The following ZFYVE21 variants were observed in gnomAD, a reference collection of about 807,000 sequenced individuals.
ZFYVE21 encodes zinc finger FYVE-type containing 21.
ZFYVE21 carries 21 observed loss-of-function variants against 29.5 expected under a neutral mutation model. The ratio of observed to expected loss-of-function variants is 0.71; its 90% CI spans 0.50 to 1.02. The LOEUF is 1.02. Ranked by LOEUF, ZFYVE21 falls within the 50% of genes least tolerant of loss-of-function variation. The probability of loss-of-function intolerance (pLI) is 0.00; values close to 1 mark genes in which losing one functional copy is unlikely to be tolerated. For synonymous variants in ZFYVE21, 151 were observed against 133.8 expected (o/e 1.13, Z -0.89); for missense variants, 326 against 335.4 (o/e 0.97, Z 0.22).
At chr14:103,723,092 G>A (rs1431921158) in intron 1 of ZFYVE21, among the ~76,000 whole-genome samples, 1 of 152,152 alleles carries the variant, frequency 6.6e-6, no homozygotes, top group East Asian at 1.9e-4. Flanking sequence ...GTGGGCCAGG[G>A]TCACCATGGA....
chr14:103,716,275 C>T lies in ZFYVE21; in HGVS notation c.138+296C>T, dbSNP rs899625896. On this transcript the variant is annotated intron_variant, in intron 1 of 6. Coordinates refer to ENST00000311141, the MANE Select transcript of ZFYVE21 (RefSeq NM_024071.4). This position sits in a 1 kb window ranked among gnomAD's most constrained non-coding sequence, Gnocchi z 4.8. ...CGGGGTGCGGGGCGCGGGCTGGTCC[C>T]GGGGGTGGGTGCGGCCCTGCCCGAG... is the stretch of plus-strand genomic sequence containing the variant. Among the ~76,000 whole-genome samples the T allele has an allele frequency of 6.6e-6, 1 of 152,066 alleles. No individual in the cohort carries two copies. Among genetic ancestry groups the T allele is most frequent in the Non-Finnish European group, 1.5e-5 (1 of 67,970 alleles).
At chr14:103,718,839 T>C (rs538353977) in intron 1 of ZFYVE21, among the ~76,000 whole-genome samples, 1 of 152,240 alleles carries the variant, frequency 6.6e-6, no homozygotes, top group East Asian at 1.9e-4. Context: ...ATGGATACTC[T>C]AGATTCAGAG....
chr14:103,732,416 C>T (rs564151490), intron 5 of ZFYVE21: 380 of 518,374 alleles, frequency 7.3e-4, no homozygotes, highest in African/African-American at 5.6e-3. Context: ...GGTCCCTCTC[C>T]CACCCCACCT....
chr14:103,723,462 C>G (rs190144239), intron 1 of ZFYVE21, among the ~76,000 whole-genome samples: 1 of 152,206 alleles, frequency 6.6e-6, no homozygotes, highest in African/African-American at 2.4e-5. Flanking sequence ...TGGGCCAGGC[C>G]TGGTTTCCAA....
chr14:103,727,794 C>A lies in ZFYVE21; in HGVS notation c.238C>A (p.Gln80Lys), dbSNP rs2083941986. Residue 80 changes from glutamine (Q) to lysine (K), a missense_variant, in exon 3 of 7, where the codon CAG becomes AAG. Gln to Lys is a moderately conservative substitution (Grantham distance 53). Coordinates refer to ENST00000311141, the MANE Select transcript of ZFYVE21 (RefSeq NM_024071.4). ...GTGCTTCTGCGACAGGTGCTGCAGC[C>A]AGAAGGTGCCGCTGCGGCGCATGTG... ...GKCFCDRCCS[Q>K]KVPLRRMCFV... 1 of 1,612,342 alleles carries A rather than the reference C, an allele frequency of 6.2e-7. No individual in the cohort carries two copies. The highest frequency in any genetic ancestry group is 2.2e-5 in the East Asian group (1 of 44,860).
In ZFYVE21 at chr14:103,715,847, C is replaced by T. The variant is rs1343053479; in HGVS notation, c.6C>T (p.Ser2=). 8 of 1,418,710 alleles carry T rather than the reference C, an allele frequency of 5.6e-6. No individual in the cohort carries two copies. Among genetic ancestry groups the T allele is most frequent in the East Asian group, 3.3e-5 (1 of 30,244 alleles). 87.9% of individuals were successfully genotyped at this position (1,418,710 alleles called of 1,614,324 possible). The change falls in exon 1 of 7, where the codon TCC becomes TCT. Residue 2 remains serine, a synonymous_variant. Coordinates refer to ENST00000311141, the MANE Select transcript of ZFYVE21 (RefSeq NM_024071.4). ...CGAGAGGCTGAGGCGGCGTCATGTC[C>T]TCCGAGGTGTCCGCGCGCCGCGACG... M[S]SEVSARRDAK... is the part of the protein sequence containing the mutation.
At chr14:103,717,257 CT>C (rs531965215) in intron 1 of ZFYVE21, among the ~76,000 whole-genome samples, 26 of 152,322 alleles carry the variant, frequency 1.7e-4, no homozygotes, top group Admixed American at 1.2e-3. Flanking sequence ...TTTTTAGACA[CT>C]TTCCGCCAAT....
Position 103,716,007 on chromosome 14 carries a change from C to T in ZFYVE21, c.138+28C>T, listed in dbSNP as rs770332509. The T allele has an allele frequency of 2.1e-5, 25 of 1,208,366 alleles. No homozygotes were observed. The Admixed American group carries it at 6.7e-4, about 32-fold the overall frequency. The allele number at this position is 1,208,366 out of a possible 1,614,324, so 74.9% of individuals were successfully genotyped here. ...GGGTGGCCGTCGCCCCGGCCAGCGCCTCCGACCCGCCCCGCCGCCCCGGCC... is the reference window on the plus strand; with the variant it reads ...GGGTGGCCGTCGCCCCGGCCAGCGCTTCCGACCCGCCCCGCCGCCCCGGCC... On this transcript the variant is annotated intron_variant, in intron 1 of 6. Coordinates refer to ENST00000311141, the MANE Select transcript of ZFYVE21 (RefSeq NM_024071.4). This position sits in a 1 kb window ranked among gnomAD's most constrained non-coding sequence, Gnocchi z 4.8.
At chr14:103,724,342 G>A (rs1046232215) in intron 1 of ZFYVE21, among the ~76,000 whole-genome samples, 2 of 152,248 alleles carry the variant, frequency 1.3e-5, no homozygotes, top group South Asian at 2.1e-4. Flanking sequence ...GCTTTCCCAC[G>A]GAGGGGCCGA....
At chr14:103,732,815 G>T in intron 6 of ZFYVE21, 53 bp downstream of exon 6, 1 of 1,601,258 alleles carries the variant, frequency 6.2e-7, no homozygotes, top group Non-Finnish European at 8.5e-7. Context: ...ACAAAAGCTT[G>T]CCTTTCCCAG....
At chr14:103,722,349 CTCTT>C (rs1230194453) in intron 1 of ZFYVE21, among the ~76,000 whole-genome samples, 1 of 126,066 alleles carries the variant, frequency 7.9e-6, no homozygotes, top group African/African-American at 3.0e-5. Flanking sequence ...TGTGGTCTGT[CTCTT>C]TTTTTTTTTT....
At position 103,716,757 on chromosome 14, in the gene ZFYVE21, C is replaced by G. The variant is rs551648884; in HGVS notation, c.138+778C>G. ...GAGCCAGGCCATCCGCTGGGCCTCC[C>G]GTGGGGTTCCCTGTGACCTGATCGG... On this transcript the variant is annotated intron_variant, in intron 1 of 6. Coordinates refer to ENST00000311141, the MANE Select transcript of ZFYVE21 (RefSeq NM_024071.4). The surrounding 1 kb of genome is among the most constrained non-coding windows in gnomAD (Gnocchi z 4.8). Among the ~76,000 whole-genome samples, 80 of 152,296 alleles carry G rather than the reference C, an allele frequency of 5.3e-4. No individual in the cohort carries two copies. Among genetic ancestry groups the G allele is most frequent in the African/African-American group, 1.8e-3 (76 of 41,560 alleles).
At position 103,729,190 on chromosome 14, in the gene ZFYVE21, C is replaced by T. The variant is rs376033778; in HGVS notation, c.526+8C>T. On this transcript the variant is annotated splice_region_variant and intron_variant, in intron 5 of 6. Coordinates refer to ENST00000311141, the MANE Select transcript of ZFYVE21 (RefSeq NM_024071.4). ...AAGGCTTCCCTCCTGGAGGTAAATGCCAGCACGTCCTTTCCTAAGCCAGGA... is the reference window on the plus strand; with the variant it reads ...AAGGCTTCCCTCCTGGAGGTAAATGTCAGCACGTCCTTTCCTAAGCCAGGA... 9.3e-6 allele frequency: 15 copies of T among 1,613,786 alleles called. No homozygotes were observed. In the African/African-American group the frequency reaches 2.0e-4, roughly 22 times the overall value.
chr14:103,732,342 CCT>C, intron 5 of ZFYVE21: 1 of 333,282 alleles, frequency 3.0e-6, no homozygotes, highest in East Asian at 5.1e-5. Flanking sequence ...GAGAGCAAGG[CCT>C]CTCGTGGTGA....
At chr14:103,732,360 C>T in intron 5 of ZFYVE21, 2 of 367,822 alleles carry the variant, frequency 5.4e-6, no homozygotes, top group Non-Finnish European at 4.7e-6. Flanking sequence ...GGTGATGTGG[C>T]TCTTGTTGTT....
intron 1 of ZFYVE21, among the ~76,000 whole-genome samples, chr14:103,720,985 G>C (rs1358144721): frequency 6.6e-6 from 1 of 151,990 alleles, no homozygotes; most frequent in Non-Finnish European, 1.5e-5. Context: ...ACCACGCCCA[G>C]CTAATTTTTA....
At chr14:103,729,687 T>C (rs909131303) in intron 5 of ZFYVE21, 6 of 1,364,718 alleles carry the variant, frequency 4.4e-6, no homozygotes, top group African/African-American at 2.9e-5. Flanking sequence ...ATCTGCAAAC[T>C]GTGCTGACAG....
In ZFYVE21 at chr14:103,716,106, C is replaced by T. The variant is rs1368931378; in HGVS notation, c.138+127C>T. ...CGGCCCCTTCCCCAGCCGGCCCCCG[C>T]CCCCGCTCTCTCCCAGGTTGGCCGC... On this transcript the variant is annotated intron_variant, in intron 1 of 6. Coordinates refer to ENST00000311141, the MANE Select transcript of ZFYVE21 (RefSeq NM_024071.4). The surrounding 1 kb of genome is among the most constrained non-coding windows in gnomAD (Gnocchi z 4.8). The T allele has an allele frequency of 1.9e-5, 18 of 940,148 alleles. No homozygotes were observed. Among genetic ancestry groups the T allele is most frequent in the African/African-American group, 3.5e-5 (2 of 57,008 alleles). The allele number at this position is 940,148 out of a possible 1,614,324, so 58.2% of individuals were successfully genotyped here. A position where few individuals can be genotyped will look rare whatever the true frequency, so the allele number is the denominator to read the frequency against.
intron 1 of ZFYVE21, among the ~76,000 whole-genome samples, chr14:103,719,132 G>A (rs2083852455): frequency 6.6e-6 from 1 of 152,176 alleles, no homozygotes; most frequent in Non-Finnish European, 1.5e-5. Flanking sequence ...ACAAAAATTA[G>A]CTGGGCGTGG....
Sources: gnomAD v4.1 joint callset for allele counts (sites outside exome capture counted in the v4.1 genomes callset) on GRCh38, gnomAD v4.1.1 for gene constraint, Gnocchi (gnomAD v3.1) non-coding constraint, MANE v1.5 for transcripts, NCBI Gene and HGNC (gene_info 2026-07-23, HGNC 2026-07-21) for gene names.